CNGA1: variants seen among roughly 807,000 people sequenced by gnomAD.
CNGA1 encodes cyclic nucleotide gated channel subunit alpha 1.
Under a neutral mutation model 69.7 loss-of-function variants are expected in CNGA1, and 53 were observed. The observed-to-expected ratio is 0.76, with a 90% confidence interval of 0.61 to 0.96. CNGA1 has a LOEUF of 0.96. CNGA1 is among the 40% of genes least tolerant of loss of function. The pLI is 0.00. For missense variants in CNGA1, 739 were observed against 811.2 expected (o/e 0.91, Z 1.08); for synonymous variants, 249 against 283.5 (o/e 0.88, Z 1.22).
rs1382393990 is a variant in CNGA1 at position 47,936,009 on chromosome 4, A to G, written c.*412T>C. ...ATTAATTTTACTTTATTGCAGTCTA[A>G]TTTTTAAAAATGTTATCCCAAATAT... On this transcript the variant is annotated 3_prime_UTR_variant, in exon 11 of 11. Transcript: ENST00000514170. The G allele has an allele frequency of 5.2e-6, 1 of 192,856 alleles. No individual in the cohort carries two copies. The highest frequency in any genetic ancestry group is 2.4e-5 in the African/African-American group (1 of 42,006). 11.9% of individuals were successfully genotyped at this position (192,856 alleles called of 1,614,324 possible).
chr4:47,972,921 A>G (rs1215190007), intron 3 of CNGA1, among the ~76,000 whole-genome samples: 2 of 152,196 alleles, frequency 1.3e-5, no homozygotes, highest in African/African-American at 2.4e-5. Context: ...CCATTTCACA[A>G]CAAATATTTG....
At chr4:47,971,523 G>A (rs2110197909) in intron 3 of CNGA1, among the ~76,000 whole-genome samples, 1 of 152,104 alleles carries the variant, frequency 6.6e-6, no homozygotes, top group Non-Finnish European at 1.5e-5. Flanking sequence ...ATTAACAACT[G>A]TTGACTTCTG....
chr4:47,971,928 A>G (rs1371599773), intron 3 of CNGA1, among the ~76,000 whole-genome samples: 3 of 151,744 alleles, frequency 2.0e-5, no homozygotes, highest in African/African-American at 7.3e-5. Flanking sequence ...AACAACAACA[A>G]CAACAAAAAC....
intron 3 of CNGA1, among the ~76,000 whole-genome samples, chr4:47,967,438 G>A (rs1740785017): frequency 6.6e-6 from 1 of 152,194 alleles, no homozygotes; most frequent in Admixed American, 6.5e-5. Context: ...TGCACTGGAG[G>A]TTCTAGCGCT....
chr4:48,007,649 T>C (rs1714980658), intron 2 of CNGA1, among the ~76,000 whole-genome samples: 1 of 141,754 alleles, frequency 7.1e-6, no homozygotes, highest in African/African-American at 2.6e-5. Flanking sequence ...GAAAGATACA[T>C]GGATGTAATA....
intron 2 of CNGA1, among the ~76,000 whole-genome samples, chr4:47,990,983 T>G (rs1443208818): frequency 6.6e-6 from 1 of 152,184 alleles, no homozygotes. Context: ...ATTCATTCCT[T>G]TTTATGGTTG....
rs759626001 is a variant in CNGA1, at chr4:47,952,710, A to G, written c.-14-7T>C. The G allele has an allele frequency of 1.3e-6, 2 of 1,565,646 alleles. No homozygotes were observed. Among genetic ancestry groups the G allele is most frequent in the Non-Finnish European group, 1.7e-6 (2 of 1,154,320 alleles). On this transcript the variant is annotated splice_polypyrimidine_tract_variant and splice_region_variant and intron_variant, in intron 3 of 10. Coordinates refer to ENST00000514170, the MANE Select transcript of CNGA1 (RefSeq NM_001379270.1). ...TTCATGGATAGTTTCATATCTGAGG[A>G]GAAAGAAGTCTTATTAGTGGAAAGG... is the stretch of plus-strand genomic sequence containing the variant.
chr4:47,954,295 AC>A (rs1739928402), intron 3 of CNGA1, among the ~76,000 whole-genome samples: 2 of 152,152 alleles, frequency 1.3e-5, no homozygotes, highest in East Asian at 3.9e-4. Flanking sequence ...AGCATTCATT[AC>A]CTTTCAAACA....
chr4:48,003,429 A>G (rs1284034419), intron 2 of CNGA1, among the ~76,000 whole-genome samples: 1 of 152,178 alleles, frequency 6.6e-6, no homozygotes, highest in Admixed American at 6.5e-5. Flanking sequence ...AGGAGCCCCA[A>G]GATATATTTT....
intron 1 of CNGA1, among the ~76,000 whole-genome samples, chr4:48,012,079 T>C (rs946015155): frequency 6.6e-6 from 1 of 152,164 alleles, no homozygotes; most frequent in South Asian, 2.1e-4. Flanking sequence ...CAAAGAAACA[T>C]GTTTTAGGGT....
intron 2 of CNGA1, among the ~76,000 whole-genome samples, chr4:47,981,721 GAGTT>G (rs1238549570): frequency 6.6e-6 from 1 of 152,088 alleles, no homozygotes; most frequent in Non-Finnish European, 1.5e-5. Context: ...ATATGAATGA[GAGTT>G]AGAAATAAAA....
At chr4:47,992,413 G>GT (rs1742306944) in intron 2 of CNGA1, among the ~76,000 whole-genome samples, 2 of 149,904 alleles carry the variant, frequency 1.3e-5, no homozygotes, top group South Asian at 4.2e-4. Context: ...AAGTATTTTG[G>GT]TTTTTTTGCA....
chr4:47,971,657 G>A (rs975921259), intron 3 of CNGA1, among the ~76,000 whole-genome samples: 1 of 152,134 alleles, frequency 6.6e-6, no homozygotes, highest in African/African-American at 2.4e-5. Context: ...ACTTTGGGAG[G>A]CCAAGGTGGG....
intron 1 of CNGA1, among the ~76,000 whole-genome samples, chr4:48,013,336 C>A: frequency 6.6e-6 from 1 of 152,220 alleles, no homozygotes; most frequent in East Asian, 1.9e-4. Flanking sequence ...GATAACACAA[C>A]CCCATGACAC....
chr4:47,990,739 CTCTT>C (rs1285258761), intron 2 of CNGA1, among the ~76,000 whole-genome samples: 1 of 152,120 alleles, frequency 6.6e-6, no homozygotes, highest in Non-Finnish European at 1.5e-5. Flanking sequence ...TAAAATTTCT[CTCTT>C]TGTACTCTTT....
At chr4:47,974,112 ATAGATAG>A (rs1741213064) in intron 3 of CNGA1, among the ~76,000 whole-genome samples, 5 of 151,870 alleles carry the variant, frequency 3.3e-5, no homozygotes, top group Non-Finnish European at 7.4e-5. Flanking sequence ...AGATAGATAG[ATAGATAG>A]ATAGATGATA....
chr4:48,009,782 C>T (rs993784100), intron 2 of CNGA1, among the ~76,000 whole-genome samples: 16 of 152,016 alleles, frequency 1.1e-4, no homozygotes, highest in African/African-American at 2.2e-4. Flanking sequence ...CCAGCCTGGG[C>T]GACAGGAGCG....
At chr4:47,960,653 A>G (rs1740382293) in intron 3 of CNGA1, among the ~76,000 whole-genome samples, 1 of 152,220 alleles carries the variant, frequency 6.6e-6, no homozygotes, top group Non-Finnish European at 1.5e-5. Context: ...ATATTTATAG[A>G]AGTCCCAAAC....
chr4:47,972,045 A>C (rs1741077141), intron 3 of CNGA1, among the ~76,000 whole-genome samples: 1 of 152,214 alleles, frequency 6.6e-6, no homozygotes, highest in Non-Finnish European at 1.5e-5. Flanking sequence ...TACCTATGTA[A>C]GCTTCCATAA....
Sources: allele counts gnomAD v4.1 joint callset (sites outside exome capture counted in the v4.1 genomes callset), GRCh38; gene constraint gnomAD v4.1.1; transcripts MANE v1.5; gene names NCBI Gene and HGNC (gene_info 2026-07-23, HGNC 2026-07-21).